Variants in RIMS4 observed in about 807,000 individuals in gnomAD.
RIMS4 encodes regulating synaptic membrane exocytosis protein 4.
Under a neutral mutation model 29.0 loss-of-function variants are expected in RIMS4, and 9 were observed. The ratio of observed to expected loss-of-function variants is 0.31; its 90% CI spans 0.19 to 0.54. The LOEUF is 0.54. Ranked by LOEUF, RIMS4 falls within the 20% of genes least tolerant of loss-of-function variation. The pLI is 0.94. For synonymous variants in RIMS4, 130 were observed against 152.9 expected, an observed-to-expected ratio of 0.85 and a Z score of 1.10; for missense variants, 193 against 365.7, an observed-to-expected ratio of 0.53 and a Z score of 3.85.
Position 44,755,950 on chromosome 20 carries a change from T to G in RIMS4, c.*184A>C. 1.8e-6 allele frequency: 1 copy of G among 559,220 alleles called. No homozygotes were observed. The highest frequency in any genetic ancestry group is 2.5e-5 in the South Asian group (1 of 39,540). The allele number at this position is 559,220 out of a possible 1,614,324, so 34.6% of individuals were successfully genotyped here. ...GCCAATCCCGTTGGGAGAGGGGAGG[T>G]CTCGGGGGTAGGAGGCAAAGAAGGG... On this transcript the variant is annotated 3_prime_UTR_variant, in exon 6 of 6. Transcript: ENST00000372851.
intron 1 of RIMS4, among the ~76,000 whole-genome samples, chr20:44,803,035 C>G (rs2066283523): frequency 6.6e-6 from 1 of 152,198 alleles, no homozygotes; most frequent in Non-Finnish European, 1.5e-5. Flanking sequence ...CCTTACTTAA[C>G]ATTATCTCCT....
At chr20:44,806,987 T>C (rs1200374202) in intron 1 of RIMS4, among the ~76,000 whole-genome samples, 1 of 152,202 alleles carries the variant, frequency 6.6e-6, no homozygotes, top group Non-Finnish European at 1.5e-5. Flanking sequence ...GTCCATGTTA[T>C]TATTTTTCTT....
At chr20:44,784,092 G>A (rs2066197224) in intron 1 of RIMS4, among the ~76,000 whole-genome samples, 1 of 152,190 alleles carries the variant, frequency 6.6e-6, no homozygotes. Flanking sequence ...CCCACAGGCA[G>A]GGAGGCTCCC....
chr20:44,798,864 G>A (rs1267279003), intron 1 of RIMS4, among the ~76,000 whole-genome samples: 3 of 152,182 alleles, frequency 2.0e-5, no homozygotes, highest in East Asian at 1.9e-4. Context: ...TTTCACCTGC[G>A]AGCACTCCCA....
intron 1 of RIMS4, among the ~76,000 whole-genome samples, chr20:44,804,734 G>A (rs2066291191): frequency 6.6e-6 from 1 of 152,124 alleles, no homozygotes; most frequent in Non-Finnish European, 1.5e-5. Context: ...GCCACATCCT[G>A]AAAGGGAAAC....
chr20:44,791,612 A>ACT (rs1399268879), intron 1 of RIMS4, among the ~76,000 whole-genome samples: 6 of 151,518 alleles, frequency 4.0e-5, no homozygotes, highest in Non-Finnish European at 1.5e-5. Flanking sequence ...ACAAATGGCG[A>ACT]CTCTCCCACT....
At chr20:44,765,697 C>T (rs1184828750) in intron 2 of RIMS4, among the ~76,000 whole-genome samples, 1 of 152,132 alleles carries the variant, frequency 6.6e-6, no homozygotes, top group East Asian at 1.9e-4. Context: ...TGACCCTGAG[C>T]CCGGGTTCAG....
At chr20:44,768,081 G>A (rs1215792655) in intron 2 of RIMS4, among the ~76,000 whole-genome samples, 1 of 152,138 alleles carries the variant, frequency 6.6e-6, no homozygotes, top group Non-Finnish European at 1.5e-5. Context: ...CACTGACAGA[G>A]CGACCCAACC....
intron 1 of RIMS4, among the ~76,000 whole-genome samples, chr20:44,776,437 C>T (rs1302831422): frequency 6.6e-6 from 1 of 152,210 alleles, no homozygotes; most frequent in African/African-American, 2.4e-5. Flanking sequence ...CACCTCAGTG[C>T]TCCATCCTGA....
intron 1 of RIMS4, among the ~76,000 whole-genome samples, chr20:44,789,066 T>C (rs1238952977): frequency 6.6e-6 from 1 of 152,040 alleles, no homozygotes; most frequent in Admixed American, 6.5e-5. Flanking sequence ...AGCACTGTTA[T>C]TGTCTCTATT....
chr20:44,757,800 G>C, intron 3 of RIMS4, 29 bp from the exon 4 acceptor site: 2 of 1,580,892 alleles, frequency 1.3e-6, no homozygotes, highest in Non-Finnish European at 1.7e-6. Flanking sequence ...GATGAGACTG[G>C]GAAATGGTTC....
chr20:44,810,055 C>A (rs941100195), intron 1 of RIMS4, 120 bp downstream of exon 1: 8 of 444,136 alleles, frequency 1.8e-5, no homozygotes, highest in African/African-American at 1.5e-4. Flanking sequence ...GGAAGGAGAC[C>A]CTGGGGGCGC....
intron 1 of RIMS4, among the ~76,000 whole-genome samples, chr20:44,781,470 T>C (rs1044326420): frequency 6.6e-6 from 1 of 152,200 alleles, no homozygotes; most frequent in African/African-American, 2.4e-5. Flanking sequence ...AAGATTTCAT[T>C]GTACATGCAA....
intron 1 of RIMS4, among the ~76,000 whole-genome samples, chr20:44,794,176 T>C (rs1481778457): frequency 6.6e-6 from 1 of 152,224 alleles, no homozygotes; most frequent in African/African-American, 2.4e-5. Flanking sequence ...TAAGGGGTGA[T>C]TCCTTTGGGA....
intron 1 of RIMS4, among the ~76,000 whole-genome samples, chr20:44,802,489 T>A (rs892778658): frequency 1.3e-5 from 2 of 152,122 alleles, no homozygotes; most frequent in Non-Finnish European, 2.9e-5. Flanking sequence ...CCATGGAAGT[T>A]CCCCAGGGTC....
At chr20:44,799,760 A>G (rs1209089826) in intron 1 of RIMS4, among the ~76,000 whole-genome samples, 1 of 152,106 alleles carries the variant, frequency 6.6e-6, no homozygotes. Flanking sequence ...AGAGATCCTG[A>G]GCTGTGTATC....
intron 1 of RIMS4, among the ~76,000 whole-genome samples, chr20:44,798,085 C>T (rs887295401): frequency 2.6e-5 from 4 of 152,176 alleles, no homozygotes; most frequent in African/African-American, 9.7e-5. Context: ...TCTGGATACA[C>T]GGCCAACTTT....
At chr20:44,807,431 T>C (rs1018085937) in intron 1 of RIMS4, among the ~76,000 whole-genome samples, 3 of 152,242 alleles carry the variant, frequency 2.0e-5, no homozygotes, top group Admixed American at 1.3e-4. Flanking sequence ...AAGATGGCTC[T>C]GGCTCAGTCT....
chr20:44,796,634 T>C (rs1359029220), intron 1 of RIMS4, among the ~76,000 whole-genome samples: 2 of 151,820 alleles, frequency 1.3e-5, no homozygotes, highest in East Asian at 1.9e-4. Context: ...CCAGGAATGG[T>C]CACCTCCACC....
Sources: gnomAD v4.1 joint callset for allele counts (sites outside exome capture counted in the v4.1 genomes callset) on GRCh38, gnomAD v4.1.1 for gene constraint, MANE v1.5 for transcripts, NCBI Gene and HGNC (gene_info 2026-07-23, HGNC 2026-07-21) for gene names.